CDK5RAP1: variants seen among roughly 807,000 people sequenced by gnomAD.
CDK5RAP1 encodes CDK5RAP1 mitochondrial tRNA methylthiotransferase, also known as mitochondrial tRNA methylthiotransferase CDK5RAP1.
CDK5RAP1 carries 62 observed loss-of-function variants against 64.5 expected under a neutral mutation model. That is an observed-to-expected ratio of 0.96 (90% CI 0.78 to 1.19). The LOEUF (loss-of-function observed/expected upper bound fraction) is 1.19. Ranked by LOEUF, CDK5RAP1 falls within the 50% of genes most tolerant of loss-of-function variation. The pLI, the probability that CDK5RAP1 is intolerant of heterozygous loss-of-function variation, is 0.00. For synonymous variants in CDK5RAP1, 250 were observed against 261.9 expected (o/e 0.95, Z 0.44); for missense variants, 657 against 735.0 (o/e 0.89, Z 1.23).
At chr20:33,394,710 G>A (rs985677152) in intron 3 of CDK5RAP1, among the ~76,000 whole-genome samples, 57 of 151,922 alleles carry the variant, frequency 3.8e-4, no homozygotes, top group African/African-American at 1.4e-3. Flanking sequence ...TCATAACTAC[G>A]CATTTTCCAT....
chr20:33,389,120 G>T (rs1235098192), intron 5 of CDK5RAP1, among the ~76,000 whole-genome samples: 1 of 151,394 alleles, frequency 6.6e-6, no homozygotes, highest in Non-Finnish European at 1.5e-5. Context: ...CTGCCCGGCT[G>T]CCCAGTCTGG....
At chr20:33,360,232 G>A in intron 13 of CDK5RAP1, 119 bp downstream of exon 13, 1 of 931,850 alleles carries the variant, frequency 1.1e-6, no homozygotes, top group Non-Finnish European at 1.6e-6. Context: ...CATTGTACTG[G>A]TTGAGAGGGG....
At chr20:33,383,326 G>A (rs1357607011) in intron 7 of CDK5RAP1, among the ~76,000 whole-genome samples, 1 of 151,980 alleles carries the variant, frequency 6.6e-6, no homozygotes, top group Non-Finnish European at 1.5e-5. Context: ...AATAAATGAG[G>A]CCAGGCGTAG....
At position 33,385,773 on chromosome 20, in the gene CDK5RAP1, G is replaced by A; in HGVS notation, c.756-3C>T. On this transcript the variant is annotated splice_region_variant and splice_polypyrimidine_tract_variant and intron_variant, in intron 6 of 13. Coordinates refer to ENST00000346416, the MANE Select transcript of CDK5RAP1 (RefSeq NM_016408.4). ...TGTCACAGCCTCGCATGATTGACCT[G>A]GAGAAGAAAGTACCAGAACTTAGTA... 6.2e-7 allele frequency: 1 copy of A among 1,610,542 alleles called. No individual in the cohort carries two copies. The highest frequency in any genetic ancestry group is 1.1e-5 in the South Asian group (1 of 90,462).
At chr20:33,366,256 T>C (rs915913273) in intron 12 of CDK5RAP1, among the ~76,000 whole-genome samples, 2 of 147,516 alleles carry the variant, frequency 1.4e-5, no homozygotes, top group African/African-American at 5.0e-5. Flanking sequence ...GAGACAGAGG[T>C]TGCAGTAAGC....
intron 13 of CDK5RAP1, 108 bp downstream of exon 13, chr20:33,360,243 A>G: frequency 9.3e-7 from 1 of 1,080,350 alleles, no homozygotes; most frequent in East Asian, 2.5e-5. Flanking sequence ...TTGAGAGGGG[A>G]TTTTTATTTT....
At chr20:33,389,309 G>A (rs905520722) in intron 5 of CDK5RAP1, among the ~76,000 whole-genome samples, 3 of 150,800 alleles carry the variant, frequency 2.0e-5, no homozygotes, top group Non-Finnish European at 3.0e-5. Context: ...GTCTCTGCCC[G>A]GCCGCCCCGT....
intron 12 of CDK5RAP1, among the ~76,000 whole-genome samples, chr20:33,364,329 C>A (rs1352658735): frequency 6.6e-6 from 1 of 151,412 alleles, no homozygotes; most frequent in Admixed American, 6.6e-5. Context: ...ACTGGGATTA[C>A]AGGTGCCTGC....
chr20:33,371,913 T>G (rs535331100), intron 10 of CDK5RAP1, among the ~76,000 whole-genome samples: 1 of 152,228 alleles, frequency 6.6e-6, no homozygotes, highest in African/African-American at 2.4e-5. Flanking sequence ...AATAAGATAA[T>G]ACGAAAGGAA....
intron 11 of CDK5RAP1, among the ~76,000 whole-genome samples, chr20:33,367,927 C>T (rs763469211): frequency 2.6e-5 from 4 of 152,198 alleles, no homozygotes; most frequent in Non-Finnish European, 4.4e-5. Flanking sequence ...CGGAGGAAAA[C>T]GGAGAATCCT....
At chr20:33,368,796 G>A (rs1360604992) in intron 11 of CDK5RAP1, among the ~76,000 whole-genome samples, 1 of 151,866 alleles carries the variant, frequency 6.6e-6, no homozygotes, top group East Asian at 1.9e-4. Flanking sequence ...ACTTGAACCC[G>A]GAAGGTGGAG....
At chr20:33,394,191 ACT>A (rs1988652031) in intron 3 of CDK5RAP1, 125 bp from the exon 4 acceptor site, 7 of 621,582 alleles carry the variant, frequency 1.1e-5, no homozygotes, top group Admixed American at 5.5e-5. Context: ...ACAGAGTCTC[ACT>A]CTGTTTCCCA....
intron 6 of CDK5RAP1, 48 bp downstream of exon 6, chr20:33,387,275 G>T (rs755501579): frequency 8.8e-6 from 12 of 1,360,912 alleles, no homozygotes; most frequent in African/African-American, 1.5e-5. Flanking sequence ...AAAAAAAAGT[G>T]TGAAAGGAGG....
chr20:33,368,615 G>A (rs1219199968), intron 11 of CDK5RAP1, among the ~76,000 whole-genome samples: 1 of 151,900 alleles, frequency 6.6e-6, no homozygotes, highest in Non-Finnish European at 1.5e-5. Context: ...GCTCATGCCT[G>A]TAATCCCAGC....
chr20:33,395,042 C>T lies in CDK5RAP1; in HGVS notation c.379G>A (p.Gly127Ser). Reference protein sequence around the residue: ...EIAWSILQKSGYLRTSNLQEA... With the variant: ...EIAWSILQKSSYLRTSNLQEA... ...TGGAGGTTACTGGTCCGCAGGTAGC[C>T]ACTCTTCTGTAAGATGGACCAGGCT... is the stretch of plus-strand genomic sequence containing the variant. Residue 127 changes from glycine (G) to serine (S), a missense_variant, in exon 3 of 14, where the codon GGC (glycine) becomes AGC (serine). Gly to Ser is a moderately conservative substitution (Grantham distance 56). Coordinates refer to ENST00000346416, the MANE Select transcript of CDK5RAP1 (RefSeq NM_016408.4). The T allele has an allele frequency of 1.2e-6, 2 of 1,612,074 alleles. No homozygotes were observed. Among genetic ancestry groups the T allele is most frequent in the South Asian group, 1.1e-5 (1 of 91,014 alleles).
intron 8 of CDK5RAP1, among the ~76,000 whole-genome samples, chr20:33,375,047 T>C (rs1387838605): frequency 6.6e-6 from 1 of 151,090 alleles, no homozygotes; most frequent in Non-Finnish European, 1.5e-5. Context: ...AAAGATACCA[T>C]CAAAAAACTG....
At chr20:33,390,846 G>A (rs1988227862) in intron 5 of CDK5RAP1, among the ~76,000 whole-genome samples, 1 of 152,108 alleles carries the variant, frequency 6.6e-6, no homozygotes, top group African/African-American at 2.4e-5. Flanking sequence ...ATTCCACAAT[G>A]GAGATAGTCT....
intron 12 of CDK5RAP1, among the ~76,000 whole-genome samples, chr20:33,363,092 T>C (rs1983228967): frequency 1.3e-5 from 2 of 152,192 alleles, no homozygotes; most frequent in South Asian, 4.1e-4. Context: ...CAGGATATGA[T>C]TAGAATACAA....
At chr20:33,385,927 AC>A (rs1987374960) in intron 6 of CDK5RAP1, among the ~76,000 whole-genome samples, 157 bp from the exon 7 acceptor site, 1 of 152,216 alleles carries the variant, frequency 6.6e-6, no homozygotes, top group African/African-American at 2.4e-5. Context: ...ACTAAAGTAG[AC>A]CTTTTTTATC....
Sources: gnomAD v4.1 joint callset for allele counts (sites outside exome capture counted in the v4.1 genomes callset) on GRCh38, gnomAD v4.1.1 for gene constraint, MANE v1.5 for transcripts, NCBI Gene and HGNC (gene_info 2026-07-23, HGNC 2026-07-21) for gene names.